Variants in MSL3 observed in about 807,000 individuals in gnomAD.
The protein encoded by MSL3 is MSL complex subunit 3.
A neutral mutation model predicts 37.2 loss-of-function variants in MSL3; 5 were observed. That is an observed-to-expected ratio of 0.13 (90% CI 0.07 to 0.28). MSL3 has a LOEUF of 0.28. Ranked by LOEUF, MSL3 falls within the 10% of genes least tolerant of loss-of-function variation. MSL3 has a pLI of 1.00. For missense variants in MSL3, 315 were observed against 408.5 expected (o/e 0.77, Z 1.97); for synonymous variants, 149 against 147.6 (o/e 1.01, Z -0.07).
At chrX:11,774,359 G>T (rs765796509) in intron 12 of MSL3, among the ~76,000 whole-genome samples, 1 of 111,293 alleles carries the variant, frequency 9.0e-6, no homozygotes, top group Non-Finnish European at 1.9e-5. Flanking sequence ...TTGCTCTGTC[G>T]CCTGGGCTGG....
intron 4 of MSL3, among the ~76,000 whole-genome samples, 157 bp from the exon 5 acceptor site, chrX:11,761,343 A>G (rs769783804): frequency 8.0e-5 from 9 of 113,012 alleles, no homozygotes; most frequent in East Asian, 2.8e-4. Flanking sequence ...ATAAATTTCT[A>G]TTGTGAAAGA....
At chrX:11,772,968 TA>T (rs748307327) in intron 12 of MSL3, among the ~76,000 whole-genome samples, 2 of 112,010 alleles carry the variant, frequency 1.8e-5, no homozygotes, top group South Asian at 3.7e-4. Flanking sequence ...GAATTTAATT[TA>T]AAAAAACCTT....
chrX:11,766,232 C>T, intron 9 of MSL3: 1 of 767,040 alleles, frequency 1.3e-6, no homozygotes. Context: ...GATCTTCTCA[C>T]CTTGATTTTG....
At position 11,760,442 on chromosome X, in the gene MSL3, T is replaced by C. The variant is rs1168498592; in HGVS notation, c.225T>C (p.Asp75=). 1 of 1,205,082 alleles carries C rather than the reference T, an allele frequency of 8.3e-7. No individual in the cohort carries two copies. The change falls in exon 3 of 13, where the codon GAT becomes GAC. Residue 75 remains aspartate, a synonymous_variant. Transcript: ENST00000312196. ...CAGCAGAAGATCATGTGCTTCGTGA[T>C]ACCGATGAAAATCGTAGATTACAGC... ...RWAAEDHVLR[D]TDENRRLQRK...
intron 2 of MSL3, 24 bp from the exon 3 acceptor site, chrX:11,760,379 A>C: frequency 8.8e-7 from 1 of 1,142,280 alleles, no homozygotes; most frequent in Non-Finnish European, 1.2e-6. Flanking sequence ...TAAAGTACTG[A>C]ATTTTCCTTT....
intron 8 of MSL3, 104 bp downstream of exon 8, chrX:11,764,042 A>G: frequency 2.8e-6 from 2 of 725,131 alleles, no homozygotes; most frequent in Non-Finnish European, 4.0e-6. Context: ...ACATGTTTGG[A>G]GGAGGGAAGG....
chrX:11,759,672 T>A (rs2078777513), intron 1 of MSL3, 121 bp from the exon 2 acceptor site: 2 of 1,136,935 alleles, frequency 1.8e-6, no homozygotes. Flanking sequence ...TCAACCCGGC[T>A]GTCGGTCTAA....
Position 11,761,501 on chromosome X carries a change from A to G in MSL3, c.384A>G (p.Ser128=), listed in dbSNP as rs747558871. The change falls in exon 5 of 13, where the codon TCA becomes TCG. Residue 128 remains serine (S), a splice_region_variant and synonymous_variant. Coordinates refer to ENST00000312196, the MANE Select transcript of MSL3 (RefSeq NM_078629.4). ...ACCGGATGCTTTTGTTTCACCTAGC[A>G]TTAAGCAGTTCCTCTGACTGTAGTG... ...TEEKDENDEN[S]LSSSSDCSEN... is the part of the protein sequence containing the mutation. 8.4e-6 allele frequency: 10 copies of G among 1,189,679 alleles called. No individual in the cohort carries two copies. Among genetic ancestry groups the G allele is most frequent in the Admixed American group, 2.3e-5 (1 of 43,631 alleles).
rs777407101 is a variant in MSL3 at position 11,762,871 on chromosome X, C to A, written c.623C>A (p.Thr208Lys). ...VKLPCQTNII[T>K]ILESYVKHFA... ...CTTCCATGCCAGACCAACATCATAA[C>A]GATTTTGGAATCCTATGTGAAGCAT... The change falls in exon 7 of 13, where the codon ACG becomes AAG. Residue 208 changes from threonine to lysine, a missense_variant. Thr to Lys is a moderately conservative substitution (Grantham distance 78). Coordinates refer to ENST00000312196, the MANE Select transcript of MSL3 (RefSeq NM_078629.4). The A allele has an allele frequency of 2.5e-6, 3 of 1,209,160 alleles. No homozygotes were observed. Among genetic ancestry groups the A allele is most frequent in the Non-Finnish European group, 3.4e-6 (3 of 894,152 alleles).
At chrX:11,771,809 G>A (rs934257483) in intron 10 of MSL3, among the ~76,000 whole-genome samples, 2 of 111,690 alleles carry the variant, frequency 1.8e-5, no homozygotes, top group African/African-American at 3.3e-5. Context: ...TCAAGCTCCC[G>A]ACCGCAGTTG....
chrX:11,767,218 G>A (rs2053191768), intron 9 of MSL3: 1 of 754,628 alleles, frequency 1.3e-6, no homozygotes, highest in Non-Finnish European at 1.6e-6. Context: ...AGGCTCAGAA[G>A]GGCAGAGTTG....
intron 10 of MSL3, 139 bp downstream of exon 10, chrX:11,768,821 G>A (rs1338479593): frequency 2.2e-6 from 1 of 445,274 alleles, no homozygotes; most frequent in Non-Finnish European, 3.9e-6. Flanking sequence ...GTAATTTTAT[G>A]CTTAACACTG....
At chrX:11,759,085 G>C (rs925655519) in intron 1 of MSL3, among the ~76,000 whole-genome samples, 3 of 111,811 alleles carry the variant, frequency 2.7e-5, no homozygotes, top group African/African-American at 9.8e-5. Context: ...AGGTCTCCCA[G>C]ATCCCCAAGG....
chrX:11,758,219 G>T (rs765994824), upstream of MSL3: 3 of 308,315 alleles, frequency 9.7e-6, no homozygotes, highest in Non-Finnish European at 1.5e-5. Context: ...CCCACCGCGC[G>T]CGCTCCGCCC....
intron 11 of MSL3, 34 bp from the exon 12 acceptor site, chrX:11,772,587 A>G: frequency 9.8e-7 from 1 of 1,016,393 alleles, no homozygotes; most frequent in Non-Finnish European, 1.4e-6. Flanking sequence ...GATTCTGCTA[A>G]TTGTAAATGG....
Position 11,758,502 on chromosome X carries a change from G to C in MSL3, c.102+137G>C, listed in dbSNP as rs1302830475. On this transcript the variant is annotated intron_variant, in intron 1 of 12. Transcript: ENST00000312196. ...CTGCGAGGAGCGGTGCGGCCGGCAG[G>C]GGGCGCTCACAGGGCGCTACGCCCG... 5.9e-6 allele frequency: 6 copies of C among 1,012,394 alleles called. No individual in the cohort carries two copies. The South Asian group carries it at 1.8e-4, about 30-fold the overall frequency. 83.4% of individuals were successfully genotyped at this position (1,012,394 alleles called of 1,213,427 possible).
intron 10 of MSL3, among the ~76,000 whole-genome samples, chrX:11,771,483 T>G (rs775105873): frequency 8.9e-6 from 1 of 112,776 alleles, no homozygotes; most frequent in Non-Finnish European, 1.9e-5. Context: ...AGCAAGAAAT[T>G]AAGGAATCTT....
At chrX:11,773,765 G>A (rs758542093) in intron 12 of MSL3, among the ~76,000 whole-genome samples, 2 of 112,253 alleles carry the variant, frequency 1.8e-5, no homozygotes, top group South Asian at 7.3e-4. Context: ...AGAATTTTAG[G>A]AAGTAACTTA....
rs754284086 is a variant in MSL3, at chrX:11,774,965, A to AT, written c.1467-5dup. On this transcript the variant is annotated splice_polypyrimidine_tract_variant and intron_variant, in intron 12 of 12. Coordinates refer to ENST00000312196, the MANE Select transcript of MSL3 (RefSeq NM_078629.4). ...CCTTAGTATGGTGCTCATTGGGGCT[A>AT]TTTTTTTTTTCCAGGTTTTTAGCAG... 2,961 of 1,005,844 alleles carry AT rather than the reference A, an allele frequency of 2.9e-3. No individual in the cohort carries two copies. Among genetic ancestry groups the AT allele is most frequent in the Non-Finnish European group, 3.3e-3 (2,459 of 737,526 alleles). 82.9% of individuals were successfully genotyped at this position (1,005,844 alleles called of 1,213,427 possible). A position where few individuals can be genotyped will look rare whatever the true frequency, so the allele number is the denominator to read the frequency against.
Sources: allele counts gnomAD v4.1 joint callset (sites outside exome capture counted in the v4.1 genomes callset), GRCh38; gene constraint gnomAD v4.1.1; transcripts MANE v1.5; gene names NCBI Gene and HGNC (gene_info 2026-07-23, HGNC 2026-07-21).